Variants in PDE4C observed in about 807,000 individuals in gnomAD.
PDE4C encodes 3',5'-cyclic-AMP phosphodiesterase 4C.
PDE4C carries 50 observed loss-of-function variants against 63.9 expected under a neutral mutation model. The ratio of observed to expected loss-of-function variants is 0.78; its 90% CI spans 0.62 to 0.99. The LOEUF (loss-of-function observed/expected upper bound fraction) is 0.99. Among genes scored for constraint, PDE4C ranks in the 50% least tolerant of loss-of-function variants. The probability of loss-of-function intolerance (pLI) is 0.00; values close to 1 mark genes in which losing one functional copy is unlikely to be tolerated. For synonymous variants in PDE4C, 377 were observed against 385.1 expected (o/e 0.98, Z 0.25); for missense variants, 777 against 899.1 (o/e 0.86, Z 1.74).
In PDE4C at chr19:18,220,793, G is replaced by T; in HGVS notation, c.499+81C>A. The T allele has an allele frequency of 2.9e-6, 4 of 1,366,348 alleles. No homozygotes were observed. The highest frequency in any genetic ancestry group is 3.1e-6 in the Non-Finnish European group (3 of 969,940). The allele number at this position is 1,366,348 out of a possible 1,614,324, so 84.6% of individuals were successfully genotyped here. A position where few individuals can be genotyped will look rare whatever the true frequency, so the allele number is the denominator to read the frequency against. ...GGCTACAATTAGCCCCAGTATAAGGGGCTCATGGACTGGGGAGGTCACTAT... is the reference window on the plus strand; with the variant it reads ...GGCTACAATTAGCCCCAGTATAAGGTGCTCATGGACTGGGGAGGTCACTAT... On this transcript the variant is annotated intron_variant, in intron 5 of 14. Coordinates refer to ENST00000262805, the Ensembl canonical transcript of PDE4C. This position sits in a 1 kb window ranked among gnomAD's most constrained non-coding sequence, Gnocchi z 5.1.
At chr19:18,225,246 C>T (rs1642854980) in intron 1 of PDE4C, among the ~76,000 whole-genome samples, 2 of 152,154 alleles carry the variant, frequency 1.3e-5, no homozygotes, top group African/African-American at 2.4e-5. Flanking sequence ...GACTTGGGTT[C>T]GGGTCTGGCC....
upstream of PDE4C, chr19:18,226,559 A>G: frequency 2.1e-6 from 1 of 482,288 alleles, no homozygotes; most frequent in Non-Finnish European, 3.4e-6. Flanking sequence ...GACCCCCGGG[A>G]CAAACGGGGA....
chr19:18,248,272 C>T, upstream of PDE4C: 5 of 454,760 alleles, frequency 1.1e-5, no homozygotes, highest in South Asian at 6.2e-5. Context: ...GCTCCCTCAA[C>T]ACCCACTCAG....
the PDE4C span, among the ~76,000 whole-genome samples, chr19:18,253,820 G>A: frequency 6.6e-6 from 1 of 152,234 alleles, no homozygotes; most frequent in Non-Finnish European, 1.5e-5. Flanking sequence ...GCTGAGGGCA[G>A]GTAAGCAGTT....
exon 1 of PDE4C, chr19:18,233,512 C>G: frequency 1.6e-6 from 1 of 611,528 alleles, no homozygotes; most frequent in South Asian, 1.5e-5. Flanking sequence ...TCCCCTATAG[C>G]GCTGCATGGA....
At position 18,218,267 on chromosome 19, in the gene PDE4C, C is replaced by T; in HGVS notation, c.1135-19G>A. The T allele has an allele frequency of 6.2e-7, 1 of 1,613,918 alleles. No homozygotes were observed. The highest frequency in any genetic ancestry group is 8.5e-7 in the Non-Finnish European group (1 of 1,179,760). ...ACACAGCCTGAGCAGGCAGAGGGCACAGGCGGTGAGGGGCGGGTTCTCTGG... is the reference window on the plus strand; with the variant it reads ...ACACAGCCTGAGCAGGCAGAGGGCATAGGCGGTGAGGGGCGGGTTCTCTGG... On this transcript the variant is annotated intron_variant, in intron 10 of 14. Transcript: ENST00000262805.
At chr19:18,242,729 G>A (rs145582657) in intron 1 of PDE4C, among the ~76,000 whole-genome samples, 1,968 of 145,794 alleles carry the variant, frequency 0.013, 15 homozygotes, top group Non-Finnish European at 0.022. Context: ...AGGTTTCAGT[G>A]AGCCAAGATC....
At chr19:18,211,046 C>G (rs1038151777) in exon 15 of PDE4C, 5 of 1,614,140 alleles carry the variant, frequency 3.1e-6, no homozygotes, top group Non-Finnish European at 3.4e-6. Context: ...CTTCCCCCTC[C>G]TCTTCTTCCT....
the PDE4C span, chr19:18,255,119 C>T: frequency 7.6e-6 from 3 of 395,406 alleles, no homozygotes; most frequent in Non-Finnish European, 1.3e-5. This position sits in a 1 kb window ranked among gnomAD's most constrained non-coding sequence, Gnocchi z 4.6. Context: ...ACCAGCGTGG[C>T]CTGAGGGAGG....
chr19:18,235,353 T>G (rs1968932909), upstream of PDE4C, among the ~76,000 whole-genome samples: 1 of 152,220 alleles, frequency 6.6e-6, no homozygotes, highest in Non-Finnish European at 1.5e-5. Flanking sequence ...GTATTTTTAG[T>G]AGAGACGCAG....
At chr19:18,213,428 C>T (rs746000556) in exon 13 of PDE4C, 1 of 1,613,902 alleles carries the variant, frequency 6.2e-7, no homozygotes, top group Non-Finnish European at 8.5e-7. Flanking sequence ...CCTTCTTGGT[C>T]TCCACCATGG....
At chr19:18,217,854 G>A (rs933534633) in intron 11 of PDE4C, among the ~76,000 whole-genome samples, 16 of 152,152 alleles carry the variant, frequency 1.1e-4, no homozygotes, top group African/African-American at 3.4e-4. Flanking sequence ...CCGAAATCGC[G>A]CCACTGCACT....
intron 1 of PDE4C, among the ~76,000 whole-genome samples, chr19:18,223,568 ACTC>A (rs1968588652): frequency 6.8e-6 from 1 of 146,886 alleles, no homozygotes; most frequent in South Asian, 2.2e-4. Context: ...CTGCTCTTGA[ACTC>A]CTGACCTCGT....
chr19:18,218,128 C>CCA (rs758749834), intron 11 of PDE4C, 21 bp downstream of exon 11: 1 of 1,585,174 alleles, frequency 6.3e-7, no homozygotes, highest in Non-Finnish European at 8.7e-7. Context: ...TCTCCTGCAC[C>CCA]CACTTCCCAC....
At chr19:18,231,060 C>G (rs1174932400), upstream of PDE4C, among the ~76,000 whole-genome samples, 1 of 152,226 alleles carries the variant, frequency 6.6e-6, no homozygotes, top group African/African-American at 2.4e-5. Flanking sequence ...ACAGAATATT[C>G]ACCTCTCTGA....
At chr19:18,244,701 G>A (rs1339237405) in intron 1 of PDE4C, among the ~76,000 whole-genome samples, 2 of 151,890 alleles carry the variant, frequency 1.3e-5, no homozygotes, top group African/African-American at 4.8e-5. Context: ...TAGTAGAGAC[G>A]GGGTTTCTCC....
At chr19:18,231,998 C>T (rs1412097168) in intron 1 of PDE4C, among the ~76,000 whole-genome samples, 1 of 149,938 alleles carries the variant, frequency 6.7e-6, no homozygotes, top group Admixed American at 6.6e-5. Flanking sequence ...GGAGTGGGGG[C>T]GGGGGAGGTA....
chr19:18,237,244 G>A (rs1384927511), upstream of PDE4C, among the ~76,000 whole-genome samples: 2 of 152,160 alleles, frequency 1.3e-5, no homozygotes, highest in Non-Finnish European at 2.9e-5. Context: ...CTCAAACGTG[G>A]GGGGATATAA....
chr19:18,232,372 A>G, intron 1 of PDE4C, among the ~76,000 whole-genome samples: 1 of 118,594 alleles, frequency 8.4e-6, no homozygotes, highest in Non-Finnish European at 1.7e-5. Context: ...CAAAAATAAA[A>G]ACGTGTGTGT....
Sources: gnomAD v4.1 joint callset for allele counts (sites outside exome capture counted in the v4.1 genomes callset) on GRCh38, gnomAD v4.1.1 for gene constraint, Gnocchi (gnomAD v3.1) non-coding constraint, MANE v1.5 for transcripts, NCBI Gene and HGNC (gene_info 2026-07-23, HGNC 2026-07-21) for gene names.